Variants in TIGAR observed in about 807,000 individuals in gnomAD.
TIGAR encodes the protein fructose-2,6-bisphosphatase TIGAR.
TIGAR carries 7 observed loss-of-function variants against 17.9 expected under a neutral mutation model. The observed-to-expected ratio is 0.39, with a 90% CI of 0.22 to 0.73. The LOEUF is 0.73. Ranked by LOEUF, TIGAR falls within the 30% of genes least tolerant of loss-of-function variation. The pLI is 0.42. For synonymous variants in TIGAR, 94 were observed against 108.6 expected (o/e 0.87, Z 0.84); for missense variants, 258 against 327.4 (o/e 0.79, Z 1.64).
At chr12:4,349,564 C>T (rs184777069) in intron 3 of TIGAR, among the ~76,000 whole-genome samples, 29 of 152,150 alleles carry the variant, frequency 1.9e-4, no homozygotes, top group East Asian at 7.7e-4. Flanking sequence ...ACTACAGGTG[C>T]GTGCCACCAC....
intron 3 of TIGAR, among the ~76,000 whole-genome samples, chr12:4,347,345 T>C (rs1864791956): frequency 6.6e-6 from 1 of 151,946 alleles, no homozygotes; most frequent in African/African-American, 2.4e-5. Context: ...AGCAAAAAAT[T>C]AAAACAATTG....
rs1328933415 is a variant in TIGAR, at chr12:4,338,975, CACAAA to C, written c.192+1817_192+1821del. Among the ~76,000 whole-genome samples, 8 of 38,188 alleles carry C rather than the reference CACAAA, an allele frequency of 2.1e-4. 2 individuals carry two copies. The East Asian group carries it at 3.8e-3, about 18-fold the overall frequency. 25.1% of individuals were successfully genotyped at this position (38,188 alleles called of 152,430 possible). A position where few individuals can be genotyped will look rare whatever the true frequency, so the allele number is the denominator to read the frequency against. On this transcript the variant is annotated intron_variant, in intron 3 of 5. Transcript: ENST00000179259. Reference sequence around the variant, plus strand: ...TGGGCAACAAAGCAAAACTTTGTCTCACAAAAAAAAAAAAAAAAAAAAAGACAGAA... The same window carrying C: ...TGGGCAACAAAGCAAAACTTTGTCTCAAAAAAAAAAAAAAAAAAGACAGAA...
chr12:4,352,826 C>T lies in TIGAR; in HGVS notation c.*135C>T, dbSNP rs186473672. ...ATTTTTAGCTCCAGTGGAACCATAG[C>T]CACATAAAACTTTAATGGACAACCA... On this transcript the variant is annotated 3_prime_UTR_variant, in exon 6 of 6. Transcript: ENST00000179259. 1.3e-3 allele frequency: 946 copies of T among 734,646 alleles called. 4 individuals carry two copies. The African/African-American group carries it at 0.014, about 11-fold the overall frequency. The allele number at this position is 734,646 out of a possible 1,614,324, so 45.5% of individuals were successfully genotyped here. A position where few individuals can be genotyped will look rare whatever the true frequency, so the allele number is the denominator to read the frequency against.
chr12:4,334,349 A>G (rs1277379343), intron 2 of TIGAR, among the ~76,000 whole-genome samples: 2 of 152,154 alleles, frequency 1.3e-5, no homozygotes, highest in African/African-American at 2.4e-5. Context: ...GAACACTTAT[A>G]AGGACACTAA....
chr12:4,327,370 C>T (rs557241384), intron 1 of TIGAR, among the ~76,000 whole-genome samples: 2 of 150,744 alleles, frequency 1.3e-5, no homozygotes, highest in East Asian at 3.9e-4. Context: ...GATCACACCA[C>T]TGCACTCCAG....
intron 5 of TIGAR, among the ~76,000 whole-genome samples, chr12:4,351,711 T>C (rs939211425): frequency 1.3e-5 from 2 of 152,192 alleles, no homozygotes; most frequent in Non-Finnish European, 2.9e-5. Context: ...ACATGAAGTC[T>C]TCAAGCCTCT....
Position 4,359,681 on chromosome 12 carries a change from T to A in TIGAR, c.*6990T>A, listed in dbSNP as rs908398065. Among the ~76,000 whole-genome samples, 1 of 152,230 alleles carries A rather than the reference T, an allele frequency of 6.6e-6. No individual in the cohort carries two copies. The highest frequency in any genetic ancestry group is 2.4e-5 in the African/African-American group (1 of 41,466). On this transcript the variant is annotated 3_prime_UTR_variant, in exon 6 of 6. Coordinates refer to ENST00000179259, the MANE Select transcript of TIGAR (RefSeq NM_020375.3). ...CTATAAATATTTTTACAAGTCTTTT[T>A]GCGGACGTATGTTTTCATTTCTCTT...
intron 1 of TIGAR, chr12:4,324,640 A>G: frequency 7.1e-7 from 1 of 1,399,268 alleles, no homozygotes; most frequent in Non-Finnish European, 1.0e-6. Flanking sequence ...CAGGCGCTTC[A>G]GCAGCGAGTT....
chr12:4,329,696 A>G (rs1376049965), intron 1 of TIGAR, among the ~76,000 whole-genome samples: 1 of 152,176 alleles, frequency 6.6e-6, no homozygotes, highest in Non-Finnish European at 1.5e-5. Flanking sequence ...GTTATTGGAT[A>G]AAAGGGTAAA....
intron 1 of TIGAR, among the ~76,000 whole-genome samples, chr12:4,325,235 C>T (rs1864531765): frequency 1.3e-5 from 2 of 151,328 alleles, no homozygotes; most frequent in Admixed American, 1.3e-4. Flanking sequence ...AGCCACCCCA[C>T]CTGGCCGAAT....
chr12:4,325,831 A>G (rs1864540922), intron 1 of TIGAR, among the ~76,000 whole-genome samples: 1 of 152,016 alleles, frequency 6.6e-6, no homozygotes, highest in Non-Finnish European at 1.5e-5. Context: ...GTATTAGTGT[A>G]AAGGAATTAG....
chr12:4,354,910 T>TTA lies in TIGAR; in HGVS notation c.*2219_*2220insTA, dbSNP rs1864882396. On this transcript the variant is annotated 3_prime_UTR_variant, in exon 6 of 6. Coordinates refer to ENST00000179259, the MANE Select transcript of TIGAR (RefSeq NM_020375.3). ...CCACGCCTGGCCTTTTTTTTTTTTT[T>TTA]AGTAGAGACGGGGTTTCGCCATGTT... is the stretch of plus-strand genomic sequence containing the variant. Among the ~76,000 whole-genome samples, 1 of 151,050 alleles carries TTA rather than the reference T, an allele frequency of 6.6e-6. No individual in the cohort carries two copies. Among genetic ancestry groups the TTA allele is most frequent in the Admixed American group, 6.6e-5 (1 of 15,146 alleles).
intron 3 of TIGAR, among the ~76,000 whole-genome samples, chr12:4,344,572 T>A (rs1291218330): frequency 6.6e-6 from 1 of 152,180 alleles, no homozygotes; most frequent in African/African-American, 2.4e-5. Flanking sequence ...TGGTTCAACA[T>A]ATGCAGATCA....
intron 3 of TIGAR, among the ~76,000 whole-genome samples, chr12:4,343,008 C>G (rs985233173): frequency 2.0e-5 from 3 of 152,084 alleles, no homozygotes; most frequent in Non-Finnish European, 4.4e-5. Flanking sequence ...CATGCAGAGA[C>G]ACACCTAGGC....
chr12:4,321,401 G>C lies in TIGAR; in HGVS notation c.32+98G>C. ...GGGTCCACCACCCTCTCCCCTCCCT[G>C]CTCGCTCCAGCCCGGGAGGGCTGGC... is the stretch of plus-strand genomic sequence containing the variant. On this transcript the variant is annotated intron_variant, in intron 1 of 5. Coordinates refer to ENST00000179259, the MANE Select transcript of TIGAR (RefSeq NM_020375.3). This position sits in a 1 kb window ranked among gnomAD's most constrained non-coding sequence, Gnocchi z 5.2. The C allele has an allele frequency of 6.5e-7, 1 of 1,538,026 alleles. No homozygotes were observed. The highest frequency in any genetic ancestry group is 8.8e-7 in the Non-Finnish European group (1 of 1,131,218).
chr12:4,334,761 C>T (rs953048504), intron 2 of TIGAR, among the ~76,000 whole-genome samples: 1 of 152,198 alleles, frequency 6.6e-6, no homozygotes, highest in African/African-American at 2.4e-5. Context: ...ACACTTGTAA[C>T]TGATGATTCT....
At chr12:4,347,411 G>A (rs1864792777) in intron 3 of TIGAR, among the ~76,000 whole-genome samples, 1 of 148,942 alleles carries the variant, frequency 6.7e-6, no homozygotes, top group Admixed American at 6.6e-5. Context: ...AAAGGTAGTA[G>A]GGGGAGGTGT....
chr12:4,324,703 A>G (rs1400389607), intron 1 of TIGAR: 4 of 861,826 alleles, frequency 4.6e-6, no homozygotes, highest in South Asian at 2.9e-5. Context: ...CGCACTGTAC[A>G]GCTGCGTCAG....
chr12:4,333,100 G>C (rs937899168), intron 2 of TIGAR, among the ~76,000 whole-genome samples: 1 of 152,128 alleles, frequency 6.6e-6, no homozygotes, highest in Admixed American at 6.6e-5. Flanking sequence ...CAAATCCTTA[G>C]TGAGACTTTT....
Sources: allele counts gnomAD v4.1 joint callset (sites outside exome capture counted in the v4.1 genomes callset), GRCh38; gene constraint gnomAD v4.1.1; non-coding constraint Gnocchi (gnomAD v3.1); transcripts MANE v1.5; gene names NCBI Gene and HGNC (gene_info 2026-07-23, HGNC 2026-07-21).